Variants in TMEM108 observed in about 807,000 individuals in gnomAD.
The protein encoded by TMEM108 is cancer/testis antigen 124.
A neutral mutation model predicts 35.1 loss-of-function variants in TMEM108; 12 were observed. The observed-to-expected ratio is 0.34, with a 90% CI of 0.22 to 0.55. The LOEUF is 0.55. Among genes scored for constraint, TMEM108 ranks in the 20% least tolerant of loss-of-function variants. The pLI is 0.89. For missense variants in TMEM108, 680 were observed against 753.3 expected (o/e 0.90, Z 1.14); for synonymous variants, 287 against 308.6 (o/e 0.93, Z 0.73).
chr3:133,228,931 G>C (rs1031949681), intron 2 of TMEM108, among the ~76,000 whole-genome samples: 3 of 152,120 alleles, frequency 2.0e-5, no homozygotes, highest in Non-Finnish European at 2.9e-5. Context: ...TAGCAGAAAT[G>C]AGATGAGAAA....
rs60991711 is a variant in TMEM108, at chr3:133,342,555, T to TATATATATATACAC, written c.41-37196_41-37195insTATATATATACACA. On this transcript the variant is annotated intron_variant, in intron 3 of 5. Transcript: ENST00000321871. ...AAAAAGAAAATGTGGTATATATATA[T>TATATATATATACAC]ACACACACACACACAATGGAGTACT... is the stretch of plus-strand genomic sequence containing the variant. 1.4e-3 allele frequency among the ~76,000 whole-genome samples: 86 copies of TATATATATATACAC among 63,434 alleles called. 4 individuals carry two copies. The highest frequency in any genetic ancestry group is 4.1e-3 in the Admixed American group (28 of 6,842). 41.6% of individuals were successfully genotyped at this position (63,434 alleles called of 152,430 possible).
chr3:133,147,659 C>G (rs13079918), intron 2 of TMEM108, among the ~76,000 whole-genome samples: 1 of 152,042 alleles, frequency 6.6e-6, no homozygotes. Context: ...ACCTGTAAAA[C>G]GTAGTCAGTA....
intron 2 of TMEM108, among the ~76,000 whole-genome samples, chr3:133,131,197 G>A (rs1944486185): frequency 6.6e-6 from 1 of 152,038 alleles, no homozygotes; most frequent in Admixed American, 6.6e-5. Context: ...TTTCCTGAAG[G>A]GGTTGTTTCA....
At chr3:133,305,802 T>G (rs2107706978) in intron 3 of TMEM108, among the ~76,000 whole-genome samples, 1 of 152,240 alleles carries the variant, frequency 6.6e-6, no homozygotes, top group East Asian at 1.9e-4. Context: ...GTGATATTCA[T>G]TATGGTTTTA....
intron 2 of TMEM108, among the ~76,000 whole-genome samples, chr3:133,221,907 T>C (rs1165352066): frequency 6.6e-6 from 1 of 152,162 alleles, no homozygotes; most frequent in Non-Finnish European, 1.5e-5. Flanking sequence ...CTTATTATTT[T>C]AATAGTTTTA....
At chr3:133,278,105 T>C (rs1011850825) in intron 3 of TMEM108, among the ~76,000 whole-genome samples, 1 of 152,192 alleles carries the variant, frequency 6.6e-6, no homozygotes, top group African/African-American at 2.4e-5. Flanking sequence ...AGAAGCAAGG[T>C]CAGGTTATAG....
At chr3:133,378,000 C>A (rs569912739) in intron 3 of TMEM108, among the ~76,000 whole-genome samples, 352 of 152,324 alleles carry the variant, frequency 2.3e-3, no homozygotes, top group Non-Finnish European at 2.0e-3. Flanking sequence ...CCATACCCCC[C>A]CCGACCAACT....
intron 3 of TMEM108, among the ~76,000 whole-genome samples, chr3:133,270,095 A>G (rs537483089): frequency 6.6e-6 from 1 of 152,310 alleles, no homozygotes; most frequent in East Asian, 1.9e-4. Context: ...TTTGCCTTAG[A>G]AAACATTCTC....
chr3:133,344,279 C>T (rs1366955236), intron 3 of TMEM108, among the ~76,000 whole-genome samples: 1 of 151,626 alleles, frequency 6.6e-6, no homozygotes, highest in African/African-American at 2.4e-5. Flanking sequence ...CAAACTTACC[C>T]TAAATAAATA....
At chr3:133,337,308 C>T (rs1012064049) in intron 3 of TMEM108, among the ~76,000 whole-genome samples, 8 of 152,158 alleles carry the variant, frequency 5.3e-5, no homozygotes, top group Non-Finnish European at 8.8e-5. Context: ...GCTACAGGGG[C>T]GCTTGTGTCA....
chr3:133,179,626 A>G (rs1945298719), intron 2 of TMEM108, among the ~76,000 whole-genome samples: 1 of 151,864 alleles, frequency 6.6e-6, no homozygotes, highest in Admixed American at 6.6e-5. Flanking sequence ...TGGACACAGG[A>G]AGGGGAACAT....
intron 2 of TMEM108, among the ~76,000 whole-genome samples, chr3:133,204,883 C>A (rs977096678): frequency 5.3e-5 from 8 of 152,114 alleles, no homozygotes; most frequent in African/African-American, 1.9e-4. Context: ...ATTGATCTGT[C>A]TAATATTCAC....
At chr3:133,100,324 A>G (rs1470169717) in intron 2 of TMEM108, among the ~76,000 whole-genome samples, 1 of 152,194 alleles carries the variant, frequency 6.6e-6, no homozygotes, top group East Asian at 1.9e-4. Flanking sequence ...CAGTCAAACC[A>G]TATCACGGGT....
chr3:133,143,681 G>A (rs974823349), intron 2 of TMEM108, among the ~76,000 whole-genome samples: 1 of 152,136 alleles, frequency 6.6e-6, no homozygotes, highest in Non-Finnish European at 1.5e-5. Flanking sequence ...ATTCTCCTAA[G>A]CCCCCTGGGT....
At chr3:133,188,698 C>T (rs1025114808) in intron 2 of TMEM108, among the ~76,000 whole-genome samples, 5 of 152,270 alleles carry the variant, frequency 3.3e-5, no homozygotes, top group African/African-American at 1.2e-4. Flanking sequence ...CATTTAGCTT[C>T]CTGTTTTAGA....
At chr3:133,239,980 A>G (rs1946290732) in intron 3 of TMEM108, among the ~76,000 whole-genome samples, 2 of 152,226 alleles carry the variant, frequency 1.3e-5, no homozygotes, top group South Asian at 4.1e-4. Flanking sequence ...CTCTGTTTTA[A>G]GAATGAGAAG....
rs1257428480 is a variant in TMEM108 at position 133,380,851 on chromosome 3, C to T, written c.1140C>T (p.Ser380=). 1 of 1,614,146 alleles carries T rather than the reference C, an allele frequency of 6.2e-7. No homozygotes were observed. The highest frequency in any genetic ancestry group is 8.5e-7 in the Non-Finnish European group (1 of 1,180,026). ...CCCAGGGGATTCCTCAGGGAGCATC[C>T]ACAACCCCACAAGCTCCAACCCATC... ...APSQGIPQGA[S]TTPQAPTHPS... The change falls in exon 4 of 6, where the codon TCC becomes TCT. Residue 380 remains serine, a synonymous_variant. Transcript: ENST00000321871. The surrounding 1 kb of genome is among the most constrained non-coding windows in gnomAD (Gnocchi z 5.3).
chr3:133,108,167 G>T (rs892390768), intron 2 of TMEM108, among the ~76,000 whole-genome samples: 1 of 152,064 alleles, frequency 6.6e-6, no homozygotes, highest in Non-Finnish European at 1.5e-5. Flanking sequence ...GGAGGCGGAG[G>T]TTGCAATAAG....
chr3:133,255,831 A>G (rs1044092003), intron 3 of TMEM108, among the ~76,000 whole-genome samples: 1 of 152,090 alleles, frequency 6.6e-6, no homozygotes, highest in African/African-American at 2.4e-5. Context: ...TCTACTAAAA[A>G]TATAAAAATT....
Sources: gnomAD v4.1 joint callset for allele counts (sites outside exome capture counted in the v4.1 genomes callset) on GRCh38, gnomAD v4.1.1 for gene constraint, Gnocchi (gnomAD v3.1) non-coding constraint, MANE v1.5 for transcripts, NCBI Gene and HGNC (gene_info 2026-07-23, HGNC 2026-07-21) for gene names.